The following CCDC102B variants were observed in gnomAD, a reference collection of about 807,000 sequenced individuals.
The protein encoded by CCDC102B is coiled-coil domain-containing protein 102B.
In CCDC102B, 75 loss-of-function variants were observed where a neutral mutation model predicts 57.4. The observed-to-expected ratio is 1.31, with a 90% CI of 1.08 to 1.58. The LOEUF (loss-of-function observed/expected upper bound fraction) is 1.58. Among genes scored for constraint, CCDC102B ranks in the 40% most tolerant of loss-of-function variants. CCDC102B has a pLI of 0.00. For synonymous variants in CCDC102B, 206 were observed against 201.9 expected (o/e 1.02, Z -0.17); for missense variants, 636 against 582.6 (o/e 1.09, Z -0.94).
At chr18:68,918,870 C>T (rs1403360677) in intron 6 of CCDC102B, among the ~76,000 whole-genome samples, 1 of 152,004 alleles carries the variant, frequency 6.6e-6, no homozygotes, top group Non-Finnish European at 1.5e-5. Flanking sequence ...ATAAACTTCC[C>T]TTTAAGAAAA....
chr18:68,973,010 T>C (rs972751682), intron 6 of CCDC102B, among the ~76,000 whole-genome samples: 5 of 152,146 alleles, frequency 3.3e-5, no homozygotes, highest in African/African-American at 1.2e-4. Flanking sequence ...GCAACAGATT[T>C]TTAATGTTAT....
At chr18:68,921,258 C>T (rs946411325) in intron 6 of CCDC102B, among the ~76,000 whole-genome samples, 4 of 152,108 alleles carry the variant, frequency 2.6e-5, no homozygotes, top group African/African-American at 9.7e-5. Flanking sequence ...AATTGAATCA[C>T]GGAGGCAAGT....
intron 6 of CCDC102B, among the ~76,000 whole-genome samples, chr18:68,955,808 A>T (rs544316721): frequency 1.3e-5 from 2 of 152,030 alleles, no homozygotes; most frequent in Non-Finnish European, 2.9e-5. Flanking sequence ...GTATTAAATT[A>T]TGGGGTATGT....
At chr18:68,802,402 C>T (rs2035886850) in intron 1 of CCDC102B, among the ~76,000 whole-genome samples, 2 of 152,172 alleles carry the variant, frequency 1.3e-5, no homozygotes, top group Admixed American at 6.5e-5. Flanking sequence ...TGTCGTGCTA[C>T]AAGTGCCCTC....
intron 5 of CCDC102B, among the ~76,000 whole-genome samples, chr18:68,895,931 A>G (rs1170688801): frequency 6.6e-6 from 1 of 151,964 alleles, no homozygotes; most frequent in Admixed American, 6.6e-5. Flanking sequence ...TGAGAGAAAC[A>G]TACATTTAAA....
At chr18:69,010,188 T>G (rs1434989744) in intron 6 of CCDC102B, among the ~76,000 whole-genome samples, 3 of 147,940 alleles carry the variant, frequency 2.0e-5, no homozygotes, top group Admixed American at 6.9e-5. Flanking sequence ...GTGATCCGCC[T>G]GCCTCGGCCT....
chr18:69,019,053 GGGTTCATTTCT>G (rs2051752167), intron 7 of CCDC102B, among the ~76,000 whole-genome samples: 1 of 151,914 alleles, frequency 6.6e-6, no homozygotes, highest in Non-Finnish European at 1.5e-5. Context: ...ATATATTGAT[GGGTTCATTTCT>G]GGTTCTCTAT....
Position 68,722,681 on chromosome 18 carries a change from G to A in CCDC102B, c.-67+6087G>A, listed in dbSNP as rs1568217038. Among the ~76,000 whole-genome samples the A allele has an allele frequency of 2.6e-5, 4 of 152,044 alleles. 1 individual carries two copies. In the South Asian group the frequency reaches 6.2e-4, roughly 24 times the overall value. The stretch of plus-strand genomic sequence containing the variant: ...AAATGACATGAAAAAGGAACAAATG[G>A]GCAGAGTACCCGCCAGATCTTTGAT... On this transcript the variant is annotated intron_variant, in intron 2 of 3. Coordinates refer to the CCDC102B transcript ENST00000578970.
Position 69,054,413 on chromosome 18 carries a change from T to C in CCDC102B, c.*276T>C. 3 of 1,078,110 alleles carry C rather than the reference T, an allele frequency of 2.8e-6. No homozygotes were observed. The highest frequency in any genetic ancestry group is 3.4e-6 in the Non-Finnish European group (3 of 890,716). The allele number at this position is 1,078,110 out of a possible 1,614,324, so 66.8% of individuals were successfully genotyped here. On this transcript the variant is annotated 3_prime_UTR_variant, in exon 8 of 8. Coordinates refer to ENST00000360242, the MANE Select transcript of CCDC102B (RefSeq NM_024781.3). The stretch of plus-strand genomic sequence containing the variant: ...TCAAAAAGGGCTTTCAGAATACTTT[T>C]TACATAAAATCTGAAAGAGTTATAA...
chr18:68,813,786 A>ATG, intron 1 of CCDC102B, among the ~76,000 whole-genome samples: 1 of 150,078 alleles, frequency 6.7e-6, no homozygotes, highest in Middle Eastern at 3.6e-3. Context: ...ATATATATAT[A>ATG]TATATATCTT....
At chr18:68,775,176 G>A (rs2034770301) in intron 2 of CCDC102B, among the ~76,000 whole-genome samples, 1 of 151,280 alleles carries the variant, frequency 6.6e-6, no homozygotes, top group Non-Finnish European at 1.5e-5. Flanking sequence ...AGATATTTGT[G>A]CTATTTCTAA....
chr18:68,901,264 T>G (rs1299047619), intron 6 of CCDC102B, among the ~76,000 whole-genome samples: 2 of 152,166 alleles, frequency 1.3e-5, no homozygotes, highest in Non-Finnish European at 2.9e-5. Flanking sequence ...AAACTTTTTT[T>G]GTAAAGATCA....
chr18:68,764,598 TG>T (rs2034363267), intron 2 of CCDC102B, among the ~76,000 whole-genome samples: 1 of 152,176 alleles, frequency 6.6e-6, no homozygotes, highest in African/African-American at 2.4e-5. Context: ...AGCAAATTCT[TG>T]GTTATAGGCA....
intron 1 of CCDC102B, among the ~76,000 whole-genome samples, chr18:68,836,217 C>G (rs571067486): frequency 1.3e-5 from 2 of 152,102 alleles, no homozygotes; most frequent in Non-Finnish European, 2.9e-5. Flanking sequence ...TCAATTGCAT[C>G]TTTATATTTT....
chr18:69,037,376 T>C (rs188909690), intron 7 of CCDC102B, among the ~76,000 whole-genome samples: 2 of 152,112 alleles, frequency 1.3e-5, no homozygotes, highest in Admixed American at 1.3e-4. Context: ...AAATGCTGAT[T>C]ATAATTTAGC....
In CCDC102B at chr18:68,874,709, A is replaced by C; in HGVS notation, c.977A>C (p.Glu326Ala). 6.2e-7 allele frequency: 1 copy of C among 1,612,182 alleles called. No individual in the cohort carries two copies. Among genetic ancestry groups the C allele is most frequent in the Non-Finnish European group, 8.5e-7 (1 of 1,178,634 alleles). ...GGTCAACATAATGATGAAATGCAAG[A>C]ACTGTCAGGCAATATAAAGGAAGAA... The part of the protein sequence containing the change: ...LLGQHNDEMQ[E>A]LSGNIKEESK... Residue 326 changes from glutamate to alanine, a missense_variant, in exon 5 of 8, where the codon GAA becomes GCA. Coordinates refer to ENST00000360242, the MANE Select transcript of CCDC102B (RefSeq NM_024781.3).
At chr18:68,908,804 G>C (rs957635774) in intron 6 of CCDC102B, among the ~76,000 whole-genome samples, 4 of 152,036 alleles carry the variant, frequency 2.6e-5, no homozygotes, top group Non-Finnish European at 5.9e-5. Context: ...TAATATACGT[G>C]TGTACATATA....
intron 6 of CCDC102B, among the ~76,000 whole-genome samples, chr18:68,991,969 T>TA (rs1180743369): frequency 6.6e-6 from 1 of 152,208 alleles, no homozygotes; most frequent in Admixed American, 6.5e-5. Flanking sequence ...AAATATGATG[T>TA]AAAAAATATG....
chr18:68,992,950 C>G (rs2050913508), intron 6 of CCDC102B: 1 of 175,536 alleles, frequency 5.7e-6, no homozygotes, highest in South Asian at 1.2e-4. Context: ...CACCAGAGGT[C>G]TGAGTCATTA....
Sources: allele counts gnomAD v4.1 joint callset (sites outside exome capture counted in the v4.1 genomes callset), GRCh38; gene constraint gnomAD v4.1.1; transcripts MANE v1.5; gene names NCBI Gene and HGNC (gene_info 2026-07-23, HGNC 2026-07-21).